HNRNPU: variants seen among roughly 807,000 people sequenced by gnomAD.
HNRNPU encodes HNRNPU antisense RNA 1.
HNRNPU carries 5 observed loss-of-function variants against 94.7 expected under a neutral mutation model. The observed-to-expected ratio is 0.05, with a 90% confidence interval of 0.03 to 0.11. The LOEUF is 0.11. Ranked by LOEUF, HNRNPU falls within the 10% of genes least tolerant of loss-of-function variation. HNRNPU has a pLI of 1.00. For synonymous variants in HNRNPU, 434 were observed against 381.6 expected (o/e 1.14, Z -1.60); for missense variants, 710 against 1,049.2 (o/e 0.68, Z 4.47).
Position 244,858,855 on chromosome 1 carries a change from T to A in HNRNPU, c.1118-14A>T. The A allele has an allele frequency of 8.4e-7, 1 of 1,192,982 alleles. No individual in the cohort carries two copies. The highest frequency in any genetic ancestry group is 1.2e-6 in the Non-Finnish European group (1 of 801,682). The allele number at this position is 1,192,982 out of a possible 1,614,324, so 73.9% of individuals were successfully genotyped here. A position where few individuals can be genotyped will look rare whatever the true frequency, so the allele number is the denominator to read the frequency against. On this transcript the variant is annotated splice_polypyrimidine_tract_variant and intron_variant, in intron 5 of 13. Transcript: ENST00000640218. The stretch of plus-strand genomic sequence containing the variant: ...ATTCTTCTTCACCTAAGAAAATAAT[T>A]AATCTTCATGAAGTAGATGTTTAAA...
rs1680549259 is a variant in HNRNPU at position 244,851,549 on chromosome 1, C to T, written c.*2901G>A. The T allele has an allele frequency of 1.3e-5, 2 of 152,168 alleles. No individual in the cohort carries two copies. The highest frequency in any genetic ancestry group is 2.1e-4 in the South Asian group (1 of 4,834). The allele number at this position is 152,168 out of a possible 1,614,324, so 9.4% of individuals were successfully genotyped here. A position where few individuals can be genotyped will look rare whatever the true frequency, so the allele number is the denominator to read the frequency against. On this transcript the variant is annotated 3_prime_UTR_variant, in exon 14 of 14. Coordinates refer to ENST00000640218, the MANE Select transcript of HNRNPU (RefSeq NM_031844.3). ...TATGTTTCCTAGAATAATTTTATAA[C>T]TTTTTCAGAGAATTCCTTTAAACTT...
Position 244,860,395 on chromosome 1 carries a change from A to T in HNRNPU, c.957T>A (p.Leu319=), listed in dbSNP as rs773690705. 6.2e-7 allele frequency: 1 copy of T among 1,613,878 alleles called. No individual in the cohort carries two copies. The highest frequency in any genetic ancestry group is 2.2e-5 in the East Asian group (1 of 44,886). ...SSLTMESFAF[L]WAGGRASYGV... Reference sequence around the variant, plus strand: ...CATAGGATGCTCTTCCTCCAGCCCAAAGAAAAGCAAAACTCTCCATTGTAA... The same window carrying T: ...CATAGGATGCTCTTCCTCCAGCCCATAGAAAAGCAAAACTCTCCATTGTAA... Residue 319 remains leucine, a synonymous_variant, in exon 4 of 14, where the codon CTT becomes CTA. Transcript: ENST00000640218.
Position 244,864,125 on chromosome 1 carries a change from G to A in HNRNPU, c.183C>T (p.Asp61=), listed in dbSNP as rs1234071642. 4.4e-6 allele frequency: 7 copies of A among 1,599,036 alleles called. No homozygotes were observed. In the South Asian group the frequency reaches 4.5e-5, roughly 10 times the overall value. ...AGCGCCCAGCGGAATCCCCGCCCAG[G>A]TCTAGGCTGCCGTTCCCGGGCTCCA... is the stretch of plus-strand genomic sequence containing the variant. The part of the protein sequence containing the change: ...PAMEPGNGSL[D]LGGDSAGRSG... Residue 61 remains aspartate (D), a synonymous_variant, in exon 1 of 14, where the codon GAC becomes GAT. Coordinates refer to ENST00000640218, the MANE Select transcript of HNRNPU (RefSeq NM_031844.3).
At chr1:244,863,370 A>C (rs1680899755) in intron 1 of HNRNPU, among the ~76,000 whole-genome samples, 1 of 146,944 alleles carries the variant, frequency 6.8e-6, no homozygotes, top group Non-Finnish European at 1.5e-5. Flanking sequence ...CTCTCGAGCC[A>C]CATAATGGAG....
rs367771932 is a variant in HNRNPU, at chr1:244,851,237, CCTCT to C, written c.*3209_*3212del. The C allele has an allele frequency of 3.2e-4, 48 of 152,304 alleles. No individual in the cohort carries two copies. Among genetic ancestry groups the C allele is most frequent in the Admixed American group, 1.1e-3 (17 of 15,298 alleles). The allele number at this position is 152,304 out of a possible 1,614,324, so 9.4% of individuals were successfully genotyped here. A position where few individuals can be genotyped will look rare whatever the true frequency, so the allele number is the denominator to read the frequency against. On this transcript the variant is annotated 3_prime_UTR_variant, in exon 14 of 14. Transcript: ENST00000640218. ...ACTTGGACTCTAAGATATGTTTATGCCTCTCTGTTTATTCTAGTTTTTTAAAAAT... is the reference window on the plus strand; with the variant it reads ...ACTTGGACTCTAAGATATGTTTATGCCTGTTTATTCTAGTTTTTTAAAAAT...
In HNRNPU at chr1:244,864,382, T is replaced by G. The variant is rs1382393473; in HGVS notation, c.-75A>C. 6.3e-7 allele frequency: 1 copy of G among 1,582,922 alleles called. No individual in the cohort carries two copies. The highest frequency in any genetic ancestry group is 8.6e-7 in the Non-Finnish European group (1 of 1,169,062). The stretch of plus-strand genomic sequence containing the variant: ...TCACTCGGCCACTGGTGGCGGCTGC[T>G]GCGGCTGCTCCTCGGCCCGGGCGGC... On this transcript the variant is annotated 5_prime_UTR_variant, in exon 1 of 14. Transcript: ENST00000640218.
In HNRNPU at chr1:244,864,460, T is replaced by C. The variant is rs1680947253; in HGVS notation, c.-153A>G. 4 of 1,323,612 alleles carry C rather than the reference T, an allele frequency of 3.0e-6. No homozygotes were observed. Among genetic ancestry groups the C allele is most frequent in the Non-Finnish European group, 4.1e-6 (4 of 982,004 alleles). 82.0% of individuals were successfully genotyped at this position (1,323,612 alleles called of 1,614,324 possible). A position where few individuals can be genotyped will look rare whatever the true frequency, so the allele number is the denominator to read the frequency against. ...CGTGCTGCAGAGCGGATCCGCCTGG[T>C]GTCGAACGGCGCCAATTCCTTTCAC... On this transcript the variant is annotated 5_prime_UTR_variant, in exon 1 of 14. Coordinates refer to ENST00000640218, the MANE Select transcript of HNRNPU (RefSeq NM_031844.3).
chr1:244,864,502 A>T lies in HNRNPU; in HGVS notation c.-195T>A. On this transcript the variant is annotated 5_prime_UTR_variant, in exon 1 of 14. Coordinates refer to ENST00000640218, the MANE Select transcript of HNRNPU (RefSeq NM_031844.3). The stretch of plus-strand genomic sequence containing the variant: ...TCCTTTCACCGAGTTCGCGAGGGAG[A>T]CGCGGAGACTCGCCTGGCGCGAGCG... 1 of 913,162 alleles carries T rather than the reference A, an allele frequency of 1.1e-6. No homozygotes were observed. The highest frequency in any genetic ancestry group is 1.9e-5 in the South Asian group (1 of 53,188). 56.6% of individuals were successfully genotyped at this position (913,162 alleles called of 1,614,324 possible). A position where few individuals can be genotyped will look rare whatever the true frequency, so the allele number is the denominator to read the frequency against.
At position 244,864,111 on chromosome 1, in the gene HNRNPU, GAATCCCCGC is replaced by G; in HGVS notation, c.188_196del (p.Gly63_Ser66delinsAla). Reference sequence around the variant, plus strand: ...GAGGCCTGCTCCCGAGCGCCCAGCGGAATCCCCGCCCAGGTCTAGGCTGCCGTTCCCGGG... The same window carrying G: ...GAGGCCTGCTCCCGAGCGCCCAGCGGCCAGGTCTAGGCTGCCGTTCCCGGG... On this transcript the variant is annotated inframe_deletion, in exon 1 of 14. Transcript: ENST00000640218. 1 of 1,596,660 alleles carries G rather than the reference GAATCCCCGC, an allele frequency of 6.3e-7. No individual in the cohort carries two copies. The highest frequency in any genetic ancestry group is 8.5e-7 in the Non-Finnish European group (1 of 1,171,814).
chr1:244,856,207 C>T, intron 10 of HNRNPU, 49 bp from the exon 11 acceptor site: 1 of 1,543,642 alleles, frequency 6.5e-7, no homozygotes. Flanking sequence ...ACCACGAATC[C>T]TCACAATCCT....
At chr1:244,863,440 G>T (rs1363929882) in intron 1 of HNRNPU, among the ~76,000 whole-genome samples, 177 bp downstream of exon 1, 1 of 145,814 alleles carries the variant, frequency 6.9e-6, no homozygotes, top group Non-Finnish European at 1.5e-5. Flanking sequence ...GCACACACAC[G>T]CCCCGAGCCC....
chr1:244,861,495 T>C (rs1680826687), intron 3 of HNRNPU: 1 of 152,210 alleles, frequency 6.6e-6, no homozygotes. Flanking sequence ...AAGGCTCAGA[T>C]GACTATCTCA....
At position 244,851,020 on chromosome 1, in the gene HNRNPU, G is replaced by A. The variant is rs1364185145; in HGVS notation, c.*3430C>T. The A allele has an allele frequency of 6.6e-6, 1 of 151,932 alleles. No homozygotes were observed. Among genetic ancestry groups the A allele is most frequent in the Non-Finnish European group, 1.5e-5 (1 of 67,984 alleles). 9.4% of individuals were successfully genotyped at this position (151,932 alleles called of 1,614,324 possible). ...GACCAGGTCTCACTATGTTGCCCAGGATGGTCTCAAACTCCTGAGCTCAAG... is the reference window on the plus strand; with the variant it reads ...GACCAGGTCTCACTATGTTGCCCAGAATGGTCTCAAACTCCTGAGCTCAAG... On this transcript the variant is annotated 3_prime_UTR_variant, in exon 14 of 14. Coordinates refer to ENST00000640218, the MANE Select transcript of HNRNPU (RefSeq NM_031844.3).
chr1:244,855,237 C>A, intron 12 of HNRNPU, 187 bp downstream of exon 12: 1 of 724,584 alleles, frequency 1.4e-6, no homozygotes, highest in African/African-American at 1.8e-5. Flanking sequence ...ATGCATCTGA[C>A]TTGTTTAGTA....
intron 3 of HNRNPU, chr1:244,860,860 T>C (rs1680806449): frequency 4.3e-6 from 1 of 230,746 alleles, no homozygotes; most frequent in Non-Finnish European, 8.3e-6. Flanking sequence ...AGTGCCACAT[T>C]AAAACTGAAG....
In HNRNPU at chr1:244,854,380, A is replaced by T; in HGVS notation, c.*70T>A. The T allele has an allele frequency of 9.6e-7, 1 of 1,038,308 alleles. No individual in the cohort carries two copies. The highest frequency in any genetic ancestry group is 1.5e-6 in the Non-Finnish European group (1 of 661,960). 64.3% of individuals were successfully genotyped at this position (1,038,308 alleles called of 1,614,324 possible). ...TGTGGAATGTTTAAAAAGTTAGCCTACTAAAGAAAACAGTCGACTTCTTGT... is the reference window on the plus strand; with the variant it reads ...TGTGGAATGTTTAAAAAGTTAGCCTTCTAAAGAAAACAGTCGACTTCTTGT... On this transcript the variant is annotated 3_prime_UTR_variant, in exon 14 of 14. Transcript: ENST00000640218.
chr1:244,861,407 T>C (rs768927201), intron 3 of HNRNPU: 73 of 152,308 alleles, frequency 4.8e-4, no homozygotes, highest in Non-Finnish European at 3.8e-4. Context: ...TCCTAGCAAC[T>C]TATTTATACA....
rs1010404062 is a variant in HNRNPU, at chr1:244,852,735, T to C, written c.*1715A>G. 1 of 152,218 alleles carries C rather than the reference T, an allele frequency of 6.6e-6. No individual in the cohort carries two copies. Among genetic ancestry groups the C allele is most frequent in the Non-Finnish European group, 1.5e-5 (1 of 68,022 alleles). 9.4% of individuals were successfully genotyped at this position (152,218 alleles called of 1,614,324 possible). A position where few individuals can be genotyped will look rare whatever the true frequency, so the allele number is the denominator to read the frequency against. ...AAAATTCCTTAGAAGTATGAATTCA[T>C]ATTTATGATCTGATTTTAAAGGGCT... On this transcript the variant is annotated 3_prime_UTR_variant, in exon 14 of 14. Coordinates refer to ENST00000640218, the MANE Select transcript of HNRNPU (RefSeq NM_031844.3).
At position 244,862,477 on chromosome 1, in the gene HNRNPU, C is replaced by G; in HGVS notation, c.861G>C (p.Val287=). The G allele has an allele frequency of 6.2e-7, 1 of 1,612,166 alleles. No homozygotes were observed. The highest frequency in any genetic ancestry group is 8.5e-7 in the Non-Finnish European group (1 of 1,179,214). The part of the protein sequence containing the change: ...EEEDEHFDDT[V]VCLDTYNCDL... ...TTCACTTACAAGTATCAAGACAAAC[C>G]ACTGTGTCATCGAAGTGTTCATCTT... is the stretch of plus-strand genomic sequence containing the variant. The change falls in exon 3 of 14, where the codon GTG becomes GTC. Residue 287 remains valine (V), a synonymous_variant. Transcript: ENST00000640218.
Sources: allele counts gnomAD v4.1 joint callset (sites outside exome capture counted in the v4.1 genomes callset), GRCh38; gene constraint gnomAD v4.1.1; transcripts MANE v1.5; gene names NCBI Gene and HGNC (gene_info 2026-07-23, HGNC 2026-07-21).